RARG: variants seen among roughly 807,000 people sequenced by gnomAD.
The protein encoded by RARG is RAR-gamma.
RARG carries 17 observed loss-of-function variants against 43.7 expected under a neutral mutation model. That is an observed-to-expected ratio of 0.39 (90% confidence interval 0.27 to 0.58). RARG has a LOEUF of 0.58. Ranked by LOEUF, RARG falls within the 20% of genes least tolerant of loss-of-function variation. The pLI, the probability that RARG is intolerant of heterozygous loss-of-function variation, is 0.57. For synonymous variants in RARG, 238 were observed against 236.4 expected (o/e 1.01, Z -0.06); for missense variants, 346 against 598.7 (o/e 0.58, Z 4.40).
chr12:53,220,393 AGGGGT>A, intron 3 of RARG: 1 of 74,366 alleles, frequency 1.3e-5, no homozygotes, highest in Non-Finnish European at 1.9e-5. Context: ...CGAAGCCTGG[AGGGGT>A]GGGGGGTGGG....
At chr12:53,220,715 T>C (rs1289031117) in intron 3 of RARG, among the ~76,000 whole-genome samples, 1 of 152,082 alleles carries the variant, frequency 6.6e-6, no homozygotes, top group African/African-American at 2.4e-5. Context: ...CGTGCCCAGG[T>C]CGGGGTTGGA....
At chr12:53,220,926 C>A (rs1301537046) in intron 3 of RARG, among the ~76,000 whole-genome samples, 2 of 152,056 alleles carry the variant, frequency 1.3e-5, no homozygotes, top group Non-Finnish European at 2.9e-5. Flanking sequence ...GGCCTGGCTC[C>A]GCCCTCGCCC....
rs145090388 is a variant in RARG, at chr12:53,222,838, C to A, written c.184+4524G>T. On this transcript the variant is annotated intron_variant, in intron 3 of 9. Transcript: ENST00000425354. ...AAAGTTTCCCCAGCCCTTATTGCAG[C>A]AATTAGACCCATTAGCCTTCTAGCA... Among the ~76,000 whole-genome samples, 1,000 of 152,130 alleles carry A rather than the reference C, an allele frequency of 6.6e-3. 9 individuals are homozygous for A. Among genetic ancestry groups the A allele is most frequent in the South Asian group, 0.012 (57 of 4,830 alleles).
chr12:53,227,213 C>T lies in RARG; in HGVS notation c.184+149G>A, dbSNP rs1943129547. On this transcript the variant is annotated intron_variant, in intron 3 of 9. Transcript: ENST00000425354. The surrounding 1 kb of genome is among the most constrained non-coding windows in gnomAD (Gnocchi z 4.3). ...CAAACTCCTTCCTCACCACCACTAC[C>T]ACCCTCCATTATTCACTACTACTCC... 2 of 745,984 alleles carry T rather than the reference C, an allele frequency of 2.7e-6. No individual in the cohort carries two copies. The highest frequency in any genetic ancestry group is 2.9e-5 in the South Asian group (1 of 34,836). The allele number at this position is 745,984 out of a possible 1,614,324, so 46.2% of individuals were successfully genotyped here. A position where few individuals can be genotyped will look rare whatever the true frequency, so the allele number is the denominator to read the frequency against.
intron 2 of RARG, among the ~76,000 whole-genome samples, chr12:53,229,124 T>C (rs1330972810): frequency 6.6e-6 from 1 of 152,058 alleles, no homozygotes; most frequent in East Asian, 1.9e-4. Context: ...TCTAGGCAGT[T>C]AGTGGGCTAG....
At chr12:53,217,272 A>G (rs1942802914) in intron 3 of RARG, among the ~76,000 whole-genome samples, 2 of 152,160 alleles carry the variant, frequency 1.3e-5, no homozygotes, top group African/African-American at 4.8e-5. Flanking sequence ...TGGGGGCTCC[A>G]GGAGGGGCTG....
chr12:53,216,839 TGTGCGCGC>T lies in RARG; in HGVS notation c.185-1053_185-1046del, dbSNP rs1415051029. 4.1e-5 allele frequency among the ~76,000 whole-genome samples: 6 copies of T among 146,726 alleles called. 1 individual carries two copies. The highest frequency in any genetic ancestry group is 7.5e-5 in the African/African-American group (3 of 39,994). On this transcript the variant is annotated intron_variant, in intron 3 of 9. Coordinates refer to ENST00000425354, the MANE Select transcript of RARG (RefSeq NM_000966.6). ...CTGGGTAAGTGTGTGTGTGTGTGTG[TGTGCGCGC>T]GCGCGCGCGCGCGCGTGTGGTTGGT...
chr12:53,219,828 T>A (rs1942898521), intron 3 of RARG: 2 of 928,312 alleles, frequency 2.2e-6, no homozygotes, highest in Non-Finnish European at 3.1e-6. Context: ...AAAGGGCCAG[T>A]ACCTTACATA....
intron 3 of RARG, among the ~76,000 whole-genome samples, chr12:53,221,915 G>A (rs987625370): frequency 3.9e-5 from 6 of 151,910 alleles, no homozygotes; most frequent in South Asian, 4.1e-4. Flanking sequence ...CTGTTGTACC[G>A]GGTGGGGGGC....
chr12:53,224,086 A>C (rs1943051086), intron 3 of RARG, among the ~76,000 whole-genome samples: 1 of 152,158 alleles, frequency 6.6e-6, no homozygotes, highest in Admixed American at 6.5e-5. Flanking sequence ...CAGACACCTG[A>C]GGTTTCATGC....
In RARG at chr12:53,211,608, G is replaced by C; in HGVS notation, c.*68C>G. 1 of 1,289,948 alleles carries C rather than the reference G, an allele frequency of 7.8e-7. No homozygotes were observed. Among genetic ancestry groups the C allele is most frequent in the Non-Finnish European group, 1.0e-6 (1 of 987,616 alleles). 79.9% of individuals were successfully genotyped at this position (1,289,948 alleles called of 1,614,324 possible). On this transcript the variant is annotated 3_prime_UTR_variant, in exon 10 of 10. Coordinates refer to ENST00000425354, the MANE Select transcript of RARG (RefSeq NM_000966.6). The surrounding 1 kb of genome is among the most constrained non-coding windows in gnomAD (Gnocchi z 4.6). ...AGCAGGTCCTCCCCCAGTCACTGGC[G>C]GTCTGGGAGATGGTCAGTCTGCTGC...
chr12:53,214,032 T>C, intron 7 of RARG, 27 bp downstream of exon 7: 1 of 1,595,504 alleles, frequency 6.3e-7, no homozygotes. Context: ...GGTCGGGCTG[T>C]GGCAGGACCC....
At chr12:53,229,266 TG>T (rs1309877864) in intron 2 of RARG, among the ~76,000 whole-genome samples, 2 of 152,198 alleles carry the variant, frequency 1.3e-5, no homozygotes, top group African/African-American at 4.8e-5. Flanking sequence ...AGGTAGGGGA[TG>T]GGTATATCTG....
At chr12:53,221,857 G>C (rs1000988490) in intron 3 of RARG, among the ~76,000 whole-genome samples, 1 of 151,486 alleles carries the variant, frequency 6.6e-6, no homozygotes, top group Non-Finnish European at 1.5e-5. Flanking sequence ...CCCTTCCCCC[G>C]CCAGGCGGCT....
chr12:53,213,471 C>G lies in RARG; in HGVS notation c.1018+25G>C, dbSNP rs534961337. On this transcript the variant is annotated intron_variant, in intron 8 of 9. Coordinates refer to ENST00000425354, the MANE Select transcript of RARG (RefSeq NM_000966.6). The surrounding 1 kb of genome is among the most constrained non-coding windows in gnomAD (Gnocchi z 4.7). The stretch of plus-strand genomic sequence containing the variant: ...GTGGGAAAGGAGACTGAGCACTGAG[C>G]AGACGCCAGGGGGCGCCCCCGCACC... 3 of 1,609,782 alleles carry G rather than the reference C, an allele frequency of 1.9e-6. No homozygotes were observed. The highest frequency in any genetic ancestry group is 2.7e-5 in the African/African-American group (2 of 74,982).
At chr12:53,221,774 T>C (rs1942970803) in intron 3 of RARG, among the ~76,000 whole-genome samples, 2 of 147,942 alleles carry the variant, frequency 1.4e-5, no homozygotes, top group South Asian at 4.8e-4. Context: ...CCGCCCGGCC[T>C]GCCTGCCCAG....
intron 3 of RARG, among the ~76,000 whole-genome samples, chr12:53,221,778 T>C (rs1459339880): frequency 6.8e-6 from 1 of 147,970 alleles, no homozygotes; most frequent in East Asian, 2.2e-4. Flanking sequence ...CCGGCCTGCC[T>C]GCCCAGCCGG....
rs920255518 is a variant in RARG, at chr12:53,214,364, G to A, written c.636+82C>T. On this transcript the variant is annotated intron_variant, in intron 6 of 9. Coordinates refer to ENST00000425354, the MANE Select transcript of RARG (RefSeq NM_000966.6). ...GCCCTCCTTGTCCTCAGCACCAGTCGATGATAGCCTCCAACACAACCCAGC... is the reference window on the plus strand; with the variant it reads ...GCCCTCCTTGTCCTCAGCACCAGTCAATGATAGCCTCCAACACAACCCAGC... 4.5e-6 allele frequency: 7 copies of A among 1,556,168 alleles called. No individual in the cohort carries two copies. In the Admixed American group the frequency reaches 5.1e-5, roughly 11 times the overall value.
chr12:53,213,731 C>T lies in RARG; in HGVS notation c.814-31G>A, dbSNP rs749968213. On this transcript the variant is annotated intron_variant, in intron 7 of 9. Transcript: ENST00000425354. The surrounding 1 kb of genome is among the most constrained non-coding windows in gnomAD (Gnocchi z 4.7). ...GGTGGGGGGTGGAGGAGGGTTAGTG[C>T]TGTTTCTGGGGGATGGGGAAAAGAG... The T allele has an allele frequency of 1.5e-5, 24 of 1,562,106 alleles. No individual in the cohort carries two copies. The highest frequency in any genetic ancestry group is 2.0e-5 in the Non-Finnish European group (23 of 1,136,640).
Sources: gnomAD v4.1 joint callset for allele counts (sites outside exome capture counted in the v4.1 genomes callset) on GRCh38, gnomAD v4.1.1 for gene constraint, Gnocchi (gnomAD v3.1) non-coding constraint, MANE v1.5 for transcripts, NCBI Gene and HGNC (gene_info 2026-07-23, HGNC 2026-07-21) for gene names.